HSDL1: variants seen among roughly 807,000 people sequenced by gnomAD.
HSDL1 encodes hydroxysteroid dehydrogenase like 1.
A neutral mutation model predicts 31.5 loss-of-function variants in HSDL1; 29 were observed. That is an observed-to-expected ratio of 0.92 (90% CI 0.69 to 1.26). HSDL1 has a LOEUF of 1.26. Among genes scored for constraint, HSDL1 ranks in the 50% most tolerant of loss-of-function variants. The pLI is 0.00. For synonymous variants in HSDL1, 222 were observed against 155.2 expected, an observed-to-expected ratio of 1.43 and a Z score of -3.20; for missense variants, 503 against 416.6, an observed-to-expected ratio of 1.21 and a Z score of -1.81.
intron 4 of HSDL1, 35 bp from the exon 5 acceptor site, chr16:84,129,810 T>A (rs1299462273): frequency 1.9e-6 from 3 of 1,550,640 alleles, no homozygotes; most frequent in African/African-American, 2.7e-5. Flanking sequence ...GACTTTTAAT[T>A]CTGGGTGAAC....
chr16:84,134,132 C>T (rs1004250995), intron 2 of HSDL1, among the ~76,000 whole-genome samples: 1 of 152,046 alleles, frequency 6.6e-6, no homozygotes, highest in Non-Finnish European at 1.5e-5. Flanking sequence ...TTCAGTGTAG[C>T]GAACGAGCAT....
chr16:84,142,371 G>T (rs2086776483), intron 1 of HSDL1, among the ~76,000 whole-genome samples: 1 of 147,878 alleles, frequency 6.8e-6, no homozygotes, highest in Non-Finnish European at 1.5e-5. Flanking sequence ...TGCTTTTTCA[G>T]TTTAAGTCTT....
rs762628470 is a variant in HSDL1, at chr16:84,131,251, G to A, written c.71C>T (p.Ala24Val). The change falls in exon 3 of 6, where the codon GCT (alanine) becomes GTT (valine). Residue 24 changes from alanine to valine, a missense_variant. Physicochemically the swap from Ala to Val is moderately conservative, Grantham distance 64. Transcript: ENST00000219439. Reference sequence around the variant, plus strand: ...ATACCAGGCTCCAACCAAAGCTAGAGCTTCCATATAGCAATTGCAAGACCT... The same window carrying A: ...ATACCAGGCTCCAACCAAAGCTAGAACTTCCATATAGCAATTGCAAGACCT... ...IARSCNCYME[A>V]LALVGAWYTA... The A allele has an allele frequency of 2.5e-6, 4 of 1,614,146 alleles. No homozygotes were observed. Among genetic ancestry groups the A allele is most frequent in the Admixed American group, 1.7e-5 (1 of 60,014 alleles).
intron 5 of HSDL1, among the ~76,000 whole-genome samples, chr16:84,126,749 C>CAT (rs1310972737): frequency 6.6e-6 from 1 of 152,054 alleles, no homozygotes; most frequent in Non-Finnish European, 1.5e-5. Flanking sequence ...CACACACACA[C>CAT]ACTCACGCAC....
chr16:84,143,939 T>C (rs1175396190), intron 1 of HSDL1, among the ~76,000 whole-genome samples: 1 of 151,610 alleles, frequency 6.6e-6, no homozygotes, highest in East Asian at 1.9e-4. Flanking sequence ...GGGTGCGGGA[T>C]GGCGGGCAGA....
chr16:84,130,213 T>G lies in HSDL1; in HGVS notation c.439A>C (p.Ile147Leu), dbSNP rs746799094. 6.2e-7 allele frequency: 1 copy of G among 1,614,216 alleles called. No individual in the cohort carries two copies. Among genetic ancestry groups the G allele is most frequent in the Non-Finnish European group, 8.5e-7 (1 of 1,180,038 alleles). Residue 147 changes from isoleucine (I) to leucine (L), a missense_variant, in exon 4 of 6, where the codon ATC becomes CTC. By Grantham distance (5) the Ile-to-Leu change is conservative. Transcript: ENST00000219439. Reference protein sequence around the residue: ...REALKDKDVGILVNNVGVFYP... With the variant: ...REALKDKDVGLLVNNVGVFYP... Reference sequence around the variant, plus strand: ...AACACACCCACGTTATTTACCAAGATGCCAACGTCTTTGTCCTTCAGGGCT... The same window carrying G: ...AACACACCCACGTTATTTACCAAGAGGCCAACGTCTTTGTCCTTCAGGGCT...
rs2086571762 is a variant in HSDL1, at chr16:84,123,193, T to G, written c.*1437A>C. On this transcript the variant is annotated 3_prime_UTR_variant, in exon 6 of 6. Coordinates refer to ENST00000219439, the MANE Select transcript of HSDL1 (RefSeq NM_031463.5). ...TGATCTTCTGAGTGCAAGTCACATC[T>G]GGAAATCCTGTAGGCAATGTCATGG... is the stretch of plus-strand genomic sequence containing the variant. 1 of 152,208 alleles carries G rather than the reference T, an allele frequency of 6.6e-6. No individual in the cohort carries two copies. Among genetic ancestry groups the G allele is most frequent in the Admixed American group, 6.5e-5 (1 of 15,286 alleles). The allele number at this position is 152,208 out of a possible 1,614,324, so 9.4% of individuals were successfully genotyped here.
chr16:84,143,198 A>G (rs2086784701), intron 1 of HSDL1, among the ~76,000 whole-genome samples: 1 of 152,212 alleles, frequency 6.6e-6, no homozygotes, highest in Non-Finnish European at 1.5e-5. Flanking sequence ...GAAACAAACA[A>G]AATGTCCATC....
intron 1 of HSDL1, among the ~76,000 whole-genome samples, chr16:84,141,499 C>G (rs927219478): frequency 1.3e-5 from 2 of 152,266 alleles, no homozygotes; most frequent in African/African-American, 4.8e-5. Flanking sequence ...CGCTTGTCCC[C>G]ATCTCCTGCA....
intron 1 of HSDL1, among the ~76,000 whole-genome samples, chr16:84,141,822 G>A (rs1035031891): frequency 6.6e-6 from 1 of 152,018 alleles, no homozygotes. Context: ...CCTATCTTTT[G>A]TCCTTTCCTT....
Position 84,130,448 on chromosome 16 carries a change from G to A in HSDL1, c.221-17C>T, listed in dbSNP as rs1327631191. Reference sequence around the variant, plus strand: ...CTGTTGCACCTAGGATGCAAGTCAGGAAAAGTGAGCATGTGTATTTCACGG... The same window carrying A: ...CTGTTGCACCTAGGATGCAAGTCAGAAAAAGTGAGCATGTGTATTTCACGG... On this transcript the variant is annotated splice_polypyrimidine_tract_variant and intron_variant, in intron 3 of 5. Coordinates refer to ENST00000219439, the MANE Select transcript of HSDL1 (RefSeq NM_031463.5). 7 of 1,588,664 alleles carry A rather than the reference G, an allele frequency of 4.4e-6. No homozygotes were observed.
intron 5 of HSDL1, among the ~76,000 whole-genome samples, chr16:84,125,753 G>A (rs747217458): frequency 6.6e-6 from 1 of 152,220 alleles, no homozygotes; most frequent in Non-Finnish European, 1.5e-5. Context: ...TGTCCTGCAT[G>A]TAAATACAAT....
intron 5 of HSDL1, among the ~76,000 whole-genome samples, 168 bp downstream of exon 5, chr16:84,129,380 A>C (rs2086639342): frequency 6.8e-6 from 1 of 147,572 alleles, no homozygotes; most frequent in African/African-American, 2.5e-5. Flanking sequence ...ACTCCATCTC[A>C]AAAAAAAAAA....
chr16:84,136,844 C>G (rs2086717619), intron 1 of HSDL1, among the ~76,000 whole-genome samples: 1 of 152,190 alleles, frequency 6.6e-6, no homozygotes, highest in Middle Eastern at 3.2e-3. Flanking sequence ...GGTCCTCAGC[C>G]TTGATGGATA....
intron 1 of HSDL1, among the ~76,000 whole-genome samples, chr16:84,138,198 G>C (rs1291662867): frequency 6.6e-6 from 1 of 152,218 alleles, no homozygotes; most frequent in Non-Finnish European, 1.5e-5. Context: ...AGAAACCCAT[G>C]ATGTGGAAAG....
At position 84,124,254 on chromosome 16, in the gene HSDL1, T is replaced by C. The variant is rs1315183026; in HGVS notation, c.*376A>G. 1.1e-5 allele frequency: 2 copies of C among 178,096 alleles called. No homozygotes were observed. The highest frequency in any genetic ancestry group is 2.4e-5 in the Non-Finnish European group (2 of 83,034). 11.0% of individuals were successfully genotyped at this position (178,096 alleles called of 1,614,324 possible). On this transcript the variant is annotated 3_prime_UTR_variant, in exon 6 of 6. Transcript: ENST00000219439. ...CATTTAAAAACCAGCACAACTCCTC[T>C]AGTGAAATGGTCAATTTCCCTTAAA... is the stretch of plus-strand genomic sequence containing the variant.
chr16:84,141,322 C>G (rs912992347), intron 1 of HSDL1, among the ~76,000 whole-genome samples: 4 of 151,946 alleles, frequency 2.6e-5, no homozygotes, highest in African/African-American at 9.7e-5. Flanking sequence ...AGATACACCA[C>G]GATTCACAGG....
chr16:84,139,421 G>C (rs1297227853), intron 1 of HSDL1: 2 of 152,628 alleles, frequency 1.3e-5, no homozygotes, highest in Admixed American at 6.5e-5. Flanking sequence ...AATAGAGAGA[G>C]GGGTGGGTCA....
chr16:84,127,941 G>T (rs907523890), intron 5 of HSDL1, among the ~76,000 whole-genome samples: 1 of 150,122 alleles, frequency 6.7e-6, no homozygotes, highest in African/African-American at 2.4e-5. Flanking sequence ...GGATGGTCTC[G>T]ATCTCCTGAC....
Sources: allele counts gnomAD v4.1 joint callset (sites outside exome capture counted in the v4.1 genomes callset), GRCh38; gene constraint gnomAD v4.1.1; transcripts MANE v1.5; gene names NCBI Gene and HGNC (gene_info 2026-07-23, HGNC 2026-07-21).